UTP4: variants seen among roughly 807,000 people sequenced by gnomAD.
The protein encoded by UTP4 is UTP4 small subunit processome component.
In UTP4, 45 loss-of-function variants were observed where a neutral mutation model predicts 82.4. The ratio of observed to expected loss-of-function variants is 0.55; its 90% CI spans 0.43 to 0.70. The LOEUF is 0.70. Among genes scored for constraint, UTP4 ranks in the 30% least tolerant of loss-of-function variants. The probability of loss-of-function intolerance (pLI) is 0.00; values close to 1 mark genes in which losing one functional copy is unlikely to be tolerated. For synonymous variants in UTP4, 348 were observed against 300.3 expected, an observed-to-expected ratio of 1.16 and a Z score of -1.64; for missense variants, 819 against 858.3, an observed-to-expected ratio of 0.95 and a Z score of 0.57.
chr16:69,165,197 A>G (rs866051228), intron 14 of UTP4, 144 bp from the exon 15 acceptor site: 12 of 684,016 alleles, frequency 1.8e-5, no homozygotes, highest in Non-Finnish European at 2.9e-5. Context: ...TCCATCTCAA[A>G]AAAAAAAAAA....
At chr16:69,147,001 C>CAAAAAAAAAAAAAAAAAAAAAA (rs71148965) in intron 6 of UTP4, among the ~76,000 whole-genome samples, 3 of 85,784 alleles carry the variant, frequency 3.5e-5, no homozygotes, top group South Asian at 4.2e-4. Context: ...GACTCTGCCT[C>CAAAAAAAAAAAAAAAAAAAAAA]AAAAAAAAAA....
At chr16:69,144,549 C>A (rs915276118) in intron 6 of UTP4, among the ~76,000 whole-genome samples, 4 of 152,186 alleles carry the variant, frequency 2.6e-5, no homozygotes, top group African/African-American at 9.7e-5. Flanking sequence ...ATTCAGAAAC[C>A]TTTGAGTATT....
At chr16:69,152,654 G>A (rs1384292302) in intron 8 of UTP4, among the ~76,000 whole-genome samples, 1 of 151,814 alleles carries the variant, frequency 6.6e-6, no homozygotes, top group African/African-American at 2.4e-5. Context: ...TGTATTTTTA[G>A]TAGAGACAGG....
At chr16:69,140,867 G>T (rs192885253) in intron 5 of UTP4, among the ~76,000 whole-genome samples, 2 of 152,160 alleles carry the variant, frequency 1.3e-5, no homozygotes, top group East Asian at 3.9e-4. Flanking sequence ...TCTGCAACTT[G>T]CCCCTCTTTT....
intron 8 of UTP4, among the ~76,000 whole-genome samples, chr16:69,152,393 C>T (rs1044282800): frequency 1.3e-4 from 19 of 151,952 alleles, no homozygotes; most frequent in Admixed American, 4.6e-4. Flanking sequence ...TCAAGCAGTC[C>T]TCCCACATCA....
intron 1 of UTP4, 44 bp from the exon 2 acceptor site, chr16:69,133,414 T>C (rs372735506): frequency 1.2e-4 from 188 of 1,569,858 alleles, no homozygotes; most frequent in Non-Finnish European, 1.5e-4. Flanking sequence ...TGTGACATAC[T>C]GCAGTTAACA....
chr16:69,137,994 A>T, intron 4 of UTP4, 109 bp downstream of exon 4: 2 of 766,652 alleles, frequency 2.6e-6, no homozygotes, highest in Non-Finnish European at 4.6e-6. Flanking sequence ...TTTTATCTCT[A>T]CTGGGTACAG....
At chr16:69,164,114 G>C (rs1276887319) in intron 14 of UTP4, among the ~76,000 whole-genome samples, 1 of 152,034 alleles carries the variant, frequency 6.6e-6, no homozygotes, top group African/African-American at 2.4e-5. Flanking sequence ...TCGATCTCCT[G>C]ACCTTGTGAT....
At position 69,155,919 on chromosome 16, in the gene UTP4, A is replaced by G; in HGVS notation, c.1213A>G (p.Ile405Val). The change falls in exon 11 of 17, where the codon ATA becomes GTA. Residue 405 changes from isoleucine to valine, a missense_variant. Coordinates refer to ENST00000314423, the MANE Select transcript of UTP4 (RefSeq NM_032830.3). ...CTGTATCTCCCCATGTGGAAGTTGG[A>G]TAGCCTATTCTACAGTTTCTCGGTT... ...CSCISPCGSW[I>V]AYSTVSRFFL... 1.2e-6 allele frequency: 2 copies of G among 1,613,938 alleles called. No homozygotes were observed. The highest frequency in any genetic ancestry group is 2.2e-5 in the East Asian group (1 of 44,876).
At chr16:69,141,495 C>G (rs1004754176) in intron 5 of UTP4, among the ~76,000 whole-genome samples, 1 of 151,932 alleles carries the variant, frequency 6.6e-6, no homozygotes, top group Non-Finnish European at 1.5e-5. Context: ...TTTTTTTTCC[C>G]CCAGGAGCTT....
At chr16:69,153,932 T>C (rs1963343576) in intron 9 of UTP4, among the ~76,000 whole-genome samples, 1 of 152,006 alleles carries the variant, frequency 6.6e-6, no homozygotes, top group African/African-American at 2.4e-5. Context: ...AAGGTAAGGG[T>C]TGAAGAATCG....
intron 12 of UTP4, among the ~76,000 whole-genome samples, chr16:69,158,173 T>C (rs1328383967): frequency 8.3e-6 from 1 of 120,412 alleles, no homozygotes; most frequent in Non-Finnish European, 1.7e-5. Context: ...TTTTTTTTTT[T>C]TTTTTTTTTT....
chr16:69,166,654 G>A, intron 15 of UTP4: 1 of 189,812 alleles, frequency 5.3e-6, no homozygotes, highest in Non-Finnish European at 1.1e-5. Context: ...TGATCTGGTT[G>A]GGGGAGAGTC....
In UTP4 at chr16:69,151,862, C is replaced by T. The variant is rs564410562; in HGVS notation, c.1002+958C>T. Among the ~76,000 whole-genome samples the T allele has an allele frequency of 1.1e-4, 16 of 151,286 alleles. No individual in the cohort carries two copies. The South Asian group carries it at 1.5e-3, about 14-fold the overall frequency. The stretch of plus-strand genomic sequence containing the variant: ...GGGTAGGCTCTATTCTGGGTGGGAG[C>T]GGGAAAACCCAGGCTTCCAGTGTTC... On this transcript the variant is annotated intron_variant, in intron 8 of 16. Coordinates refer to ENST00000314423, the MANE Select transcript of UTP4 (RefSeq NM_032830.3).
chr16:69,162,966 C>T (rs975164598), intron 13 of UTP4, 117 bp from the exon 14 acceptor site: 14 of 852,986 alleles, frequency 1.6e-5, no homozygotes, highest in Non-Finnish European at 2.7e-5. Context: ...TGGAACTTCC[C>T]TAGAACCCTT....
At chr16:69,143,110 G>A (rs1963008499) in intron 5 of UTP4, 68 bp from the exon 6 acceptor site, 12 of 1,526,620 alleles carry the variant, frequency 7.9e-6, no homozygotes, top group South Asian at 1.1e-5. Flanking sequence ...CTTCCACTTT[G>A]GCCGCAGGCA....
rs142291725 is a variant in UTP4, at chr16:69,155,118, A to G, written c.1164+661A>G. Among the ~76,000 whole-genome samples, 178 of 152,192 alleles carry G rather than the reference A, an allele frequency of 1.2e-3. 1 individual carries two copies. Among genetic ancestry groups the G allele is most frequent in the African/African-American group, 4.2e-3 (173 of 41,520 alleles). ...AAAAACTACATACATGTTACATTCA[A>G]CTTTTCTTTATTCTCCAGATTCTTT... is the stretch of plus-strand genomic sequence containing the variant. On this transcript the variant is annotated intron_variant, in intron 10 of 16. Coordinates refer to ENST00000314423, the MANE Select transcript of UTP4 (RefSeq NM_032830.3).
At chr16:69,168,513 C>T (rs1963759543) in intron 16 of UTP4, among the ~76,000 whole-genome samples, 2 of 150,534 alleles carry the variant, frequency 1.3e-5, no homozygotes, top group South Asian at 4.2e-4. Context: ...GTCCCAGCTA[C>T]TCAGGAGACT....
At chr16:69,167,399 C>G in intron 16 of UTP4, 1 of 559,908 alleles carries the variant, frequency 1.8e-6, no homozygotes, top group Non-Finnish European at 3.2e-6. Flanking sequence ...CATACTTAAC[C>G]AAAATGAAAT....
Sources: allele counts gnomAD v4.1 joint callset (sites outside exome capture counted in the v4.1 genomes callset), GRCh38; gene constraint gnomAD v4.1.1; transcripts MANE v1.5; gene names NCBI Gene and HGNC (gene_info 2026-07-23, HGNC 2026-07-21).